SIL1: variants seen among roughly 807,000 people sequenced by gnomAD.
SIL1 encodes SIL1 nucleotide exchange factor.
SIL1 carries 40 observed loss-of-function variants against 49.1 expected under a neutral mutation model. The observed-to-expected ratio is 0.81, with a 90% confidence interval of 0.63 to 1.06. The LOEUF (loss-of-function observed/expected upper bound fraction) is 1.06, where lower values mean the gene tolerates loss of function less well. Ranked by LOEUF, SIL1 falls within the 50% of genes least tolerant of loss-of-function variation. The probability of loss-of-function intolerance (pLI) is 0.00; values close to 1 mark genes in which losing one functional copy is unlikely to be tolerated. For missense variants in SIL1, 500 were observed against 572.6 expected, an observed-to-expected ratio of 0.87 and a Z score of 1.29; for synonymous variants, 253 against 250.8, an observed-to-expected ratio of 1.01 and a Z score of -0.08.
intron 3 of SIL1, among the ~76,000 whole-genome samples, chr5:139,084,797 A>C (rs1770174772): frequency 6.6e-6 from 1 of 151,770 alleles, no homozygotes; most frequent in African/African-American, 2.4e-5. Flanking sequence ...AAATAAAAAT[A>C]AATAAAAAAA....
At position 139,130,672 on chromosome 5, in the gene SIL1, G is replaced by T. The variant is rs374867895; in HGVS notation, c.-10-2819C>A. Among the ~76,000 whole-genome samples, 9 of 152,210 alleles carry T rather than the reference G, an allele frequency of 5.9e-5. No homozygotes were observed. The East Asian group carries it at 1.7e-3, about 29-fold the overall frequency. On this transcript the variant is annotated intron_variant, in intron 1 of 9. Coordinates refer to ENST00000394817, the MANE Select transcript of SIL1 (RefSeq NM_022464.5). ...AAAACAGGGACTCAAACAGATATATGTACATCAATGTTCATTGCAGCATTA... is the reference window on the plus strand; with the variant it reads ...AAAACAGGGACTCAAACAGATATATTTACATCAATGTTCATTGCAGCATTA...
chr5:138,985,619 A>C (rs146023733), intron 7 of SIL1, among the ~76,000 whole-genome samples: 1 of 152,312 alleles, frequency 6.6e-6, no homozygotes, highest in East Asian at 1.9e-4. Flanking sequence ...CCTCATATCT[A>C]GTGCTCTTGT....
chr5:139,103,509 T>G (rs936051214), intron 3 of SIL1, among the ~76,000 whole-genome samples: 5 of 152,326 alleles, frequency 3.3e-5, no homozygotes, highest in South Asian at 4.1e-4. Context: ...ATTTAGAACC[T>G]CATTTCAGTG....
At chr5:138,997,516 G>A (rs1418228706) in intron 7 of SIL1, among the ~76,000 whole-genome samples, 1 of 152,066 alleles carries the variant, frequency 6.6e-6, no homozygotes, top group African/African-American at 2.4e-5. Flanking sequence ...TTGTTGGTTT[G>A]TTTGTTTTGT....
chr5:138,974,845 C>T (rs1767362715), intron 7 of SIL1, among the ~76,000 whole-genome samples: 1 of 152,226 alleles, frequency 6.6e-6, no homozygotes, highest in Non-Finnish European at 1.5e-5. Flanking sequence ...CTATGAGCTT[C>T]ATGTGTATCA....
At chr5:138,962,992 G>A (rs902247091) in intron 7 of SIL1, among the ~76,000 whole-genome samples, 4 of 152,190 alleles carry the variant, frequency 2.6e-5, no homozygotes, top group African/African-American at 9.7e-5. Context: ...GGCAAGGCAG[G>A]AGTAACAAGG....
At chr5:139,154,681 T>A (rs544794528) in intron 1 of SIL1, among the ~76,000 whole-genome samples, 36 of 152,324 alleles carry the variant, frequency 2.4e-4, no homozygotes, top group South Asian at 2.1e-3. Context: ...GAAAGCCTCT[T>A]ATTCATCTAA....
intron 7 of SIL1, among the ~76,000 whole-genome samples, chr5:138,979,740 G>A (rs953779400): frequency 5.3e-5 from 8 of 152,164 alleles, no homozygotes; most frequent in African/African-American, 9.7e-5. Flanking sequence ...GGCTATGAGA[G>A]AGGGCTCCTT....
chr5:139,110,865 AG>A (rs1346499631), intron 3 of SIL1, among the ~76,000 whole-genome samples: 1 of 152,228 alleles, frequency 6.6e-6, no homozygotes, highest in Non-Finnish European at 1.5e-5. Context: ...GGCTTCACAA[AG>A]CCCCATGGGC....
chr5:139,097,039 G>A (rs909837818), intron 3 of SIL1, among the ~76,000 whole-genome samples: 1 of 151,928 alleles, frequency 6.6e-6, no homozygotes, highest in Admixed American at 6.5e-5. Context: ...GGGAACATCG[G>A]TGGTAGTCTG....
chr5:139,038,022 G>A (rs147109734), intron 5 of SIL1, among the ~76,000 whole-genome samples: 28 of 152,252 alleles, frequency 1.8e-4, no homozygotes, highest in Middle Eastern at 3.4e-3. Context: ...GTCTTCACAC[G>A]GTAGAGAGAG....
chr5:139,105,980 T>C (rs1338023685), intron 3 of SIL1, among the ~76,000 whole-genome samples: 1 of 152,190 alleles, frequency 6.6e-6, no homozygotes, highest in Non-Finnish European at 1.5e-5. Context: ...CCAAACTGTC[T>C]GTAAAGGATT....
intron 7 of SIL1, among the ~76,000 whole-genome samples, chr5:138,985,259 T>C (rs1767626742): frequency 6.6e-6 from 1 of 152,216 alleles, no homozygotes. Context: ...GAGATGGCTT[T>C]GCTGTACTTG....
chr5:139,005,186 GTATA>G (rs1192116105), intron 7 of SIL1, among the ~76,000 whole-genome samples: 2 of 151,906 alleles, frequency 1.3e-5, no homozygotes, highest in African/African-American at 4.8e-5. Flanking sequence ...ATTCCAGAAT[GTATA>G]TATATTTTGA....
intron 1 of SIL1, among the ~76,000 whole-genome samples, chr5:139,144,723 T>C (rs1409731747): frequency 6.6e-6 from 1 of 152,016 alleles, no homozygotes; most frequent in East Asian, 1.9e-4. Flanking sequence ...ATACAAAAAT[T>C]AGCCGGGCGT....
chr5:138,983,198 CAAAAAAAAAAAAAAA>C (rs33926268), intron 7 of SIL1, among the ~76,000 whole-genome samples: 353 of 28,142 alleles, frequency 0.013, 8 homozygotes, highest in African/African-American at 0.05. Flanking sequence ...GACACTGTCT[CAAAAAAAAAAAAAAA>C]AAAAAAAAAA....
intron 2 of SIL1, among the ~76,000 whole-genome samples, chr5:139,126,118 C>T (rs1001494034): frequency 4.6e-5 from 7 of 152,182 alleles, no homozygotes; most frequent in African/African-American, 1.7e-4. Flanking sequence ...TTTTAAATGA[C>T]ATCAGGGCAG....
intron 3 of SIL1, among the ~76,000 whole-genome samples, chr5:139,102,718 T>C (rs867259276): frequency 9.3e-5 from 14 of 151,276 alleles, no homozygotes; most frequent in Non-Finnish European, 5.9e-5. Flanking sequence ...CTTTTTTTTT[T>C]TTTTTGTTTT....
intron 4 of SIL1, among the ~76,000 whole-genome samples, chr5:139,046,601 C>G (rs1461035477): frequency 6.6e-6 from 1 of 152,190 alleles, no homozygotes; most frequent in Non-Finnish European, 1.5e-5. Context: ...TAAACCTAAC[C>G]CTTTACATAA....
Sources: allele counts gnomAD v4.1 joint callset (sites outside exome capture counted in the v4.1 genomes callset), GRCh38; gene constraint gnomAD v4.1.1; transcripts MANE v1.5; gene names NCBI Gene and HGNC (gene_info 2026-07-23, HGNC 2026-07-21).